The following MYO9A variants were observed in gnomAD, a reference collection of about 807,000 sequenced individuals.
MYO9A encodes the protein myosin IXA.
In MYO9A, 103 loss-of-function variants were observed where a neutral mutation model predicts 293.3. The ratio of observed to expected loss-of-function variants is 0.35; its 90% CI spans 0.30 to 0.41. The LOEUF (loss-of-function observed/expected upper bound fraction) is 0.41. Ranked by LOEUF, MYO9A falls within the 10% of genes least tolerant of loss-of-function variation. MYO9A has a pLI of 1.00. For synonymous variants in MYO9A, 1,001 were observed against 1,035.7 expected (o/e 0.97, Z 0.64); for missense variants, 2,685 against 3,033.0 (o/e 0.89, Z 2.69).
intron 6 of MYO9A, among the ~76,000 whole-genome samples, chr15:72,016,308 G>A (rs1436946248): frequency 6.6e-6 from 1 of 151,896 alleles, no homozygotes; most frequent in Non-Finnish European, 1.5e-5. Flanking sequence ...AAATAACAGG[G>A]CTGGCCAATC....
In MYO9A at chr15:71,971,995, C is replaced by T. The variant is rs529043588; in HGVS notation, c.1845-3870G>A. ...CAAGGGAGGCCTCTAATATGATTGC[C>T]GGTTAAAAGACCCTCATTCCAGAAA... On this transcript the variant is annotated intron_variant, in intron 12 of 41. Transcript: ENST00000356056. Among the ~76,000 whole-genome samples the T allele has an allele frequency of 7.9e-5, 12 of 151,970 alleles. No homozygotes were observed. The South Asian group carries it at 8.3e-4, about 11-fold the overall frequency.
intron 39 of MYO9A, among the ~76,000 whole-genome samples, chr15:71,838,537 A>T (rs1341970072): frequency 6.6e-6 from 1 of 152,206 alleles, no homozygotes; most frequent in East Asian, 1.9e-4. Context: ...TATTCCAGTG[A>T]CTTCCTGGCT....
At chr15:71,978,139 C>A (rs778107481) in intron 12 of MYO9A, 32 bp downstream of exon 12, 1 of 1,606,300 alleles carries the variant, frequency 6.2e-7, no homozygotes, top group South Asian at 1.1e-5. Context: ...GCCAAAACAG[C>A]CAATAACAAA....
intron 15 of MYO9A, among the ~76,000 whole-genome samples, chr15:71,939,768 A>G (rs1351708173): frequency 1.3e-5 from 2 of 152,260 alleles, no homozygotes; most frequent in African/African-American, 2.4e-5. Flanking sequence ...TAAGGCTATC[A>G]ATTTTTATAA....
chr15:71,893,600 A>G, intron 26 of MYO9A, 79 bp downstream of exon 26: 1 of 1,139,642 alleles, frequency 8.8e-7, no homozygotes, highest in Middle Eastern at 2.0e-4. Flanking sequence ...GAGGTGCTCT[A>G]CCTACAAGAA....
intron 2 of MYO9A, among the ~76,000 whole-genome samples, chr15:72,032,802 T>C (rs2077917143): frequency 6.6e-6 from 1 of 152,128 alleles, no homozygotes. Flanking sequence ...CAAGTAGATT[T>C]TATTTTGTGC....
In MYO9A at chr15:71,824,282, G is replaced by T. The variant is rs1291485978; in HGVS notation, c.*2298C>A. 1 of 152,060 alleles carries T rather than the reference G, an allele frequency of 6.6e-6. No homozygotes were observed. Among genetic ancestry groups the T allele is most frequent in the Non-Finnish European group, 1.5e-5 (1 of 68,036 alleles). The allele number at this position is 152,060 out of a possible 1,614,324, so 9.4% of individuals were successfully genotyped here. ...AAAGTCTCTTAACATCCATCACCTA[G>T]TTCCTTTAAAGTGACCTACATCAGT... On this transcript the variant is annotated 3_prime_UTR_variant, in exon 42 of 42. Transcript: ENST00000356056.
chr15:72,002,230 C>T (rs550151398), intron 8 of MYO9A, among the ~76,000 whole-genome samples: 2 of 151,840 alleles, frequency 1.3e-5, no homozygotes, highest in Non-Finnish European at 2.9e-5. Context: ...CAGGCACATG[C>T]CACCATGACC....
At chr15:71,916,259 T>C (rs1418000216) in intron 19 of MYO9A, 111 bp downstream of exon 19, 1 of 1,313,394 alleles carries the variant, frequency 7.6e-7, no homozygotes, top group Non-Finnish European at 1.0e-6. Flanking sequence ...TATGGCTTTT[T>C]AGTCACATAA....
At chr15:71,906,235 C>T (rs1210661817) in intron 19 of MYO9A, among the ~76,000 whole-genome samples, 3 of 152,078 alleles carry the variant, frequency 2.0e-5, no homozygotes, top group African/African-American at 4.8e-5. Context: ...GCCTAGTTTA[C>T]GATCTACCTT....
chr15:71,988,991 T>C (rs1312327848), intron 11 of MYO9A, among the ~76,000 whole-genome samples: 1 of 152,116 alleles, frequency 6.6e-6, no homozygotes, highest in Non-Finnish European at 1.5e-5. Context: ...GCCGCCCACA[T>C]TCAGGTGATT....
At chr15:71,995,715 G>GA (rs1319139150) in intron 9 of MYO9A, among the ~76,000 whole-genome samples, 1 of 151,974 alleles carries the variant, frequency 6.6e-6, no homozygotes, top group African/African-American at 2.4e-5. Flanking sequence ...ACTCCATTTT[G>GA]AAGTATAAAG....
At chr15:71,933,532 A>C (rs2058540529) in intron 18 of MYO9A, 138 bp downstream of exon 18, 3 of 774,856 alleles carry the variant, frequency 3.9e-6, no homozygotes, top group Admixed American at 2.6e-5. Flanking sequence ...TCTAAAATGG[A>C]TTCAACTAAG....
chr15:71,859,651 A>G (rs2056030551), intron 34 of MYO9A, 84 bp downstream of exon 34: 1 of 1,131,838 alleles, frequency 8.8e-7, no homozygotes, highest in African/African-American at 1.5e-5. Context: ...CTGTAAAACT[A>G]TCAAAAAGGC....
chr15:72,031,857 T>C (rs1356919407), intron 3 of MYO9A, among the ~76,000 whole-genome samples: 3 of 152,122 alleles, frequency 2.0e-5, no homozygotes, highest in African/African-American at 7.2e-5. Context: ...TATGGTTATA[T>C]AGGAAAATGT....
intron 2 of MYO9A, among the ~76,000 whole-genome samples, chr15:72,043,229 T>C (rs963618597): frequency 2.6e-5 from 4 of 152,106 alleles, no homozygotes; most frequent in African/African-American, 7.2e-5. Context: ...CTCAAAAATA[T>C]TGAGAGATAA....
At position 72,101,718 on chromosome 15, in the gene MYO9A, C is replaced by G. The variant is rs1393273017; in HGVS notation, c.-72+15962G>C. On this transcript the variant is annotated intron_variant, in intron 1 of 41. Coordinates refer to ENST00000356056, the MANE Select transcript of MYO9A (RefSeq NM_006901.4). ...GGGGTCAGCCCCCCGCCCGGCCAGC[C>G]GCCCCGTCTGGGAGGTGAGGGGCGC... Among the ~76,000 whole-genome samples, 303 of 114,370 alleles carry G rather than the reference C, an allele frequency of 2.6e-3. 2 individuals carry two copies. The highest frequency in any genetic ancestry group is 0.025 in the Admixed American group (259 of 10,454). The allele number at this position is 114,370 out of a possible 152,430, so 75.0% of individuals were successfully genotyped here.
At chr15:71,860,595 C>T (rs2056077557) in intron 33 of MYO9A, among the ~76,000 whole-genome samples, 1 of 152,064 alleles carries the variant, frequency 6.6e-6, no homozygotes, top group African/African-American at 2.4e-5. Flanking sequence ...AGGCCAAGAT[C>T]AAGTAAGGGA....
At chr15:71,940,307 CAACATGCTGA>C (rs1167171222) in intron 15 of MYO9A, among the ~76,000 whole-genome samples, 1 of 152,142 alleles carries the variant, frequency 6.6e-6, no homozygotes, top group Non-Finnish European at 1.5e-5. Context: ...CAAGCCTGGG[CAACATGCTGA>C]AACCCCACCT....
Sources: gnomAD v4.1 joint callset for allele counts (sites outside exome capture counted in the v4.1 genomes callset) on GRCh38, gnomAD v4.1.1 for gene constraint, MANE v1.5 for transcripts, NCBI Gene and HGNC (gene_info 2026-07-23, HGNC 2026-07-21) for gene names.